The following SLC14A2 variants were observed in gnomAD, a reference collection of about 807,000 sequenced individuals.
SLC14A2 encodes the protein urea transporter 2.
Under a neutral mutation model 104.6 loss-of-function variants are expected in SLC14A2, and 91 were observed. The observed-to-expected ratio is 0.87, with a 90% CI of 0.73 to 1.04. SLC14A2 has a LOEUF of 1.04. SLC14A2 is among the 50% of genes least tolerant of loss of function. SLC14A2 has a pLI of 0.00. For missense variants in SLC14A2, 1,189 were observed against 1,156.0 expected (o/e 1.03, Z -0.41); for synonymous variants, 476 against 466.4 (o/e 1.02, Z -0.27).
chr18:45,521,113 A>C (rs1169753681), intron 2 of SLC14A2, among the ~76,000 whole-genome samples: 1 of 152,196 alleles, frequency 6.6e-6, no homozygotes, highest in Non-Finnish European at 1.5e-5. Context: ...TTCTACATCA[A>C]GTGACCTGTC....
In SLC14A2 at chr18:45,277,979, G is replaced by GA. The variant is rs555107362; in HGVS notation, c.-125+64789dup. ...TCCACCTCCCCCTCCATGCCAGACTGACTCCTTATAACTGAACTCATGCAG... is the reference window on the plus strand; with the variant it reads ...TCCACCTCCCCCTCCATGCCAGACTGAACTCCTTATAACTGAACTCATGCAG... On this transcript the variant is annotated intron_variant, in intron 1 of 20. Transcript: ENST00000586448. 6.8e-4 allele frequency among the ~76,000 whole-genome samples: 104 copies of GA among 152,266 alleles called. 2 individuals are homozygous for GA. The Middle Eastern group carries it at 0.01, about 15-fold the overall frequency.
rs1439473366 is a variant in SLC14A2 at position 45,423,932 on chromosome 18, T to A, written c.-124-59301T>A. ...AGATTTATTGAGTCCATGTGGAGTA[T>A]GTTTTCATTCCTTATTCATCTCTCT... is the stretch of plus-strand genomic sequence containing the variant. On this transcript the variant is annotated intron_variant, in intron 1 of 20. Coordinates refer to the SLC14A2 transcript ENST00000586448. 4 of 152,220 alleles carry A rather than the reference T, an allele frequency of 2.6e-5. No individual in the cohort carries two copies. In the East Asian group the frequency reaches 7.7e-4, roughly 29 times the overall value. 9.4% of individuals were successfully genotyped at this position (152,220 alleles called of 1,614,324 possible).
chr18:45,233,536 G>A (rs563527547), intron 1 of SLC14A2, among the ~76,000 whole-genome samples: 221 of 152,162 alleles, frequency 1.5e-3, no homozygotes, highest in South Asian at 1.0e-2. Context: ...TCCCTCCTGC[G>A]TATCACGAAA....
intron 1 of SLC14A2, among the ~76,000 whole-genome samples, chr18:45,342,156 G>A (rs557364207): frequency 3.0e-4 from 45 of 152,242 alleles, no homozygotes; most frequent in African/African-American, 7.7e-4. Context: ...TTCGGTATTC[G>A]CTAATTCAGG....
intron 1 of SLC14A2, among the ~76,000 whole-genome samples, chr18:45,404,868 C>T (rs915853513): frequency 2.0e-5 from 3 of 152,158 alleles, no homozygotes; most frequent in Admixed American, 1.3e-4. Flanking sequence ...AAATCTTGCA[C>T]AGAGGCCCAG....
At chr18:45,312,055 A>T (rs183520561) in intron 1 of SLC14A2, among the ~76,000 whole-genome samples, 10 of 152,340 alleles carry the variant, frequency 6.6e-5, no homozygotes, top group African/African-American at 1.9e-4. Flanking sequence ...TGGGTGACAC[A>T]TGAGCTCTGG....
chr18:45,530,781 G>A (rs569298831), intron 2 of SLC14A2, among the ~76,000 whole-genome samples: 6 of 152,168 alleles, frequency 3.9e-5, no homozygotes, highest in African/African-American at 1.4e-4. Flanking sequence ...CATGTGCCAT[G>A]TTGGTGTGCT....
At chr18:45,314,312 A>G (rs1211090747) in intron 1 of SLC14A2, among the ~76,000 whole-genome samples, 1 of 152,226 alleles carries the variant, frequency 6.6e-6, no homozygotes, top group Admixed American at 6.5e-5. Context: ...TGGAATCTCC[A>G]TAAATAAGTA....
the SLC14A2 span, among the ~76,000 whole-genome samples, chr18:45,174,517 G>C: frequency 1.3e-5 from 2 of 152,086 alleles, no homozygotes; most frequent in African/African-American, 4.8e-5. Flanking sequence ...AAAGTGGAGA[G>C]AGTCTGCCAG....
At chr18:45,532,014 T>C (rs2043698826) in intron 2 of SLC14A2, among the ~76,000 whole-genome samples, 1 of 152,246 alleles carries the variant, frequency 6.6e-6, no homozygotes, top group Admixed American at 6.5e-5. Flanking sequence ...TAGTTGTAGA[T>C]ATGCGGCATT....
Position 45,682,650 on chromosome 18 carries a change from T to C in SLC14A2, c.*131T>C. On this transcript the variant is annotated 3_prime_UTR_variant, in exon 20 of 20. Coordinates refer to ENST00000255226, the MANE Select transcript of SLC14A2 (RefSeq NM_007163.4). ...CTCTCCCCAAACACAAAGAAGCGTG[T>C]ATGTAGTCACCATTCCAGAACCTCT... The C allele has an allele frequency of 1.4e-6, 1 of 718,228 alleles. No homozygotes were observed. The highest frequency in any genetic ancestry group is 2.5e-6 in the Non-Finnish European group (1 of 401,650). 44.5% of individuals were successfully genotyped at this position (718,228 alleles called of 1,614,324 possible).
At chr18:45,183,539 T>C in the SLC14A2 span, among the ~76,000 whole-genome samples, 1 of 152,202 alleles carries the variant, frequency 6.6e-6, no homozygotes, top group Non-Finnish European at 1.5e-5. Flanking sequence ...TATTTCCCAT[T>C]AGCTTTGTTA....
chr18:45,475,664 T>TATATATATTTAGG (rs1568228068), intron 1 of SLC14A2, among the ~76,000 whole-genome samples: 6 of 108,566 alleles, frequency 5.5e-5, no homozygotes, highest in Admixed American at 9.2e-5. Flanking sequence ...TATATATATA[T>TATATATATTTAGG]ATATATATAT....
At chr18:45,247,686 T>G (rs959868326) in intron 1 of SLC14A2, among the ~76,000 whole-genome samples, 1 of 151,284 alleles carries the variant, frequency 6.6e-6, no homozygotes, top group Non-Finnish European at 1.5e-5. Flanking sequence ...AGTTGGTTAT[T>G]CTGTTAATGT....
chr18:45,283,071 C>T (rs902767989), intron 1 of SLC14A2, among the ~76,000 whole-genome samples: 5 of 152,214 alleles, frequency 3.3e-5, no homozygotes, highest in East Asian at 1.9e-4. Flanking sequence ...TCCGTGAGAA[C>T]GAATCATTAC....
At chr18:45,320,330 G>A (rs1398536258) in intron 1 of SLC14A2, among the ~76,000 whole-genome samples, 4 of 152,102 alleles carry the variant, frequency 2.6e-5, no homozygotes, top group South Asian at 2.1e-4. Flanking sequence ...ACCCCTAGGC[G>A]AGATCTCTTT....
chr18:45,342,928 C>G (rs947517894), intron 1 of SLC14A2, among the ~76,000 whole-genome samples: 1 of 152,132 alleles, frequency 6.6e-6, no homozygotes, highest in Non-Finnish European at 1.5e-5. Context: ...TCTACCAATC[C>G]CTGTGTAACC....
intron 2 of SLC14A2, among the ~76,000 whole-genome samples, chr18:45,523,316 G>GT (rs1220877852): frequency 9.2e-4 from 136 of 148,018 alleles, no homozygotes; most frequent in Middle Eastern, 3.5e-3. Flanking sequence ...CCATCACCAG[G>GT]TTTTTTTTTT....
rs892303949 is a variant in SLC14A2 at position 45,306,763 on chromosome 18, G to A, written c.-125+93572G>A. ...AGCCACAGCATTATCTCGGGAACCC[G>A]CTTCTTCAATTGTAAGATAAAGTTT... On this transcript the variant is annotated intron_variant, in intron 1 of 20. Transcript: ENST00000586448. Among the ~76,000 whole-genome samples the A allele has an allele frequency of 8.5e-5, 13 of 152,202 alleles. No individual in the cohort carries two copies. In the East Asian group the frequency reaches 9.7e-4, roughly 11 times the overall value.
Sources: gnomAD v4.1 joint callset for allele counts (sites outside exome capture counted in the v4.1 genomes callset) on GRCh38, gnomAD v4.1.1 for gene constraint, MANE v1.5 for transcripts, NCBI Gene and HGNC (gene_info 2026-07-23, HGNC 2026-07-21) for gene names.